Variants in FRRS1 observed in about 807,000 individuals in gnomAD.
FRRS1 encodes the protein ferric chelate reductase 1, also known as ferric reductase 1.
FRRS1 carries 51 observed loss-of-function variants against 70.7 expected under a neutral mutation model. The ratio of observed to expected loss-of-function variants is 0.72; its 90% CI spans 0.58 to 0.91. The LOEUF (loss-of-function observed/expected upper bound fraction) is 0.91, where lower values mean the gene tolerates loss of function less well. Ranked by LOEUF, FRRS1 falls within the 40% of genes least tolerant of loss-of-function variation. FRRS1 has a pLI of 0.00. For synonymous variants in FRRS1, 225 were observed against 238.7 expected (o/e 0.94, Z 0.53); for missense variants, 672 against 726.0 (o/e 0.93, Z 0.86).
At chr1:99,734,965 T>C (rs1655575825) in intron 7 of FRRS1, among the ~76,000 whole-genome samples, 1 of 152,070 alleles carries the variant, frequency 6.6e-6, no homozygotes, top group Admixed American at 6.6e-5. Context: ...TACAGCGCAG[T>C]GGAAGGAGAA....
At chr1:99,748,507 A>G (rs1656400078) in intron 3 of FRRS1, 66 bp downstream of exon 3, 2 of 1,171,886 alleles carry the variant, frequency 1.7e-6, no homozygotes, top group South Asian at 2.6e-5. Context: ...TCAAGTAATA[A>G]TAAAGATTCA....
intron 9 of FRRS1, among the ~76,000 whole-genome samples, chr1:99,720,834 A>AAC (rs57397996): frequency 0.051 from 6,990 of 137,204 alleles, 229 homozygotes; most frequent in Middle Eastern, 0.083. Flanking sequence ...AGCATTTCCT[A>AAC]ACACACACAC....
chr1:99,738,237 A>G lies in FRRS1; in HGVS notation c.608T>C (p.Phe203Ser). 1.2e-6 allele frequency: 2 copies of G among 1,608,228 alleles called. No individual in the cohort carries two copies. The highest frequency in any genetic ancestry group is 1.7e-6 in the Non-Finnish European group (2 of 1,178,028). The change falls in exon 7 of 17, where the codon TTC becomes TCC. Residue 203 changes from phenylalanine (F) to serine (S), a missense_variant. Phe to Ser is a radical substitution (Grantham distance 155). Coordinates refer to ENST00000646001, the MANE Select transcript of FRRS1 (RefSeq NM_001361041.2). The part of the protein sequence containing the change: ...FSASDCGNKK[F>S]CIRSPLNCDP... ...ACAGTTCAAAGGACTCCTAATACAGAACTTCTTGTTCCCACAATCTGAGGC... is the reference window on the plus strand; with the variant it reads ...ACAGTTCAAAGGACTCCTAATACAGGACTTCTTGTTCCCACAATCTGAGGC...
intron 8 of FRRS1, among the ~76,000 whole-genome samples, chr1:99,729,296 T>C (rs920733401): frequency 1.2e-4 from 18 of 148,594 alleles, no homozygotes; most frequent in African/African-American, 4.7e-4. Flanking sequence ...TTCTCACTAG[T>C]CAAGAAATTT....
intron 13 of FRRS1, 109 bp from the exon 14 acceptor site, chr1:99,712,272 G>C: frequency 1.0e-6 from 1 of 962,114 alleles, no homozygotes; most frequent in Non-Finnish European, 1.6e-6. Context: ...TTAGATATCT[G>C]AAATGCATTT....
intron 9 of FRRS1, among the ~76,000 whole-genome samples, chr1:99,721,118 C>T (rs958880595): frequency 1.3e-5 from 2 of 152,116 alleles, no homozygotes; most frequent in Admixed American, 6.5e-5. Context: ...TGGTGGCTCA[C>T]GCCTGTAATT....
chr1:99,743,643 G>T (rs901388960), intron 4 of FRRS1, among the ~76,000 whole-genome samples: 1 of 152,118 alleles, frequency 6.6e-6, no homozygotes, highest in Admixed American at 6.5e-5. Context: ...ATGTAAAAAT[G>T]CAGTATTAAA....
chr1:99,749,065 T>G (rs1340568003), intron 1 of FRRS1, 64 bp from the exon 2 acceptor site: 1 of 226,070 alleles, frequency 4.4e-6, no homozygotes, highest in African/African-American at 2.3e-5. Context: ...GACATAGATC[T>G]CGCTCTGTTG....
At position 99,708,651 on chromosome 1, in the gene FRRS1, T is replaced by A. The variant is rs564274194; in HGVS notation, c.*377A>T. ...ATATATATATATATATATATATATATATATATATATATCGTAATATATCTC... is the reference window on the plus strand; with the variant it reads ...ATATATATATATATATATATATATAAATATATATATATCGTAATATATCTC... On this transcript the variant is annotated 3_prime_UTR_variant, in exon 17 of 17. Transcript: ENST00000646001. The A allele has an allele frequency of 7.9e-6, 1 of 125,946 alleles. No individual in the cohort carries two copies. The highest frequency in any genetic ancestry group is 2.6e-4 in the South Asian group (1 of 3,898). 7.8% of individuals were successfully genotyped at this position (125,946 alleles called of 1,614,324 possible). A position where few individuals can be genotyped will look rare whatever the true frequency, so the allele number is the denominator to read the frequency against.
At chr1:99,750,182 G>A (rs776069674) in intron 1 of FRRS1, among the ~76,000 whole-genome samples, 2 of 152,100 alleles carry the variant, frequency 1.3e-5, no homozygotes, top group Non-Finnish European at 2.9e-5. Flanking sequence ...ACCTTGAAGC[G>A]GTTGTGAAGT....
At chr1:99,764,267 GA>G (rs1657251959) in intron 1 of FRRS1, among the ~76,000 whole-genome samples, 4 of 152,024 alleles carry the variant, frequency 2.6e-5, no homozygotes, top group South Asian at 2.1e-4. Context: ...AAAAGGAAAA[GA>G]AAAAAACCTT....
intron 4 of FRRS1, among the ~76,000 whole-genome samples, chr1:99,744,431 C>T (rs553567675): frequency 6.6e-6 from 1 of 152,232 alleles, no homozygotes; most frequent in East Asian, 1.9e-4. Context: ...AGTTCCCAGG[C>T]GTCATTAAGA....
intron 4 of FRRS1, among the ~76,000 whole-genome samples, chr1:99,744,475 T>C (rs1388712209): frequency 6.6e-6 from 1 of 152,096 alleles, no homozygotes; most frequent in Non-Finnish European, 1.5e-5. Context: ...GCTAACACGG[T>C]GAAACCCCAT....
chr1:99,708,619 AAAAAAAAT>A lies in FRRS1; in HGVS notation c.*401_*408del, dbSNP rs1654115909. 8 of 85,136 alleles carry A rather than the reference AAAAAAAAT, an allele frequency of 9.4e-5. No individual in the cohort carries two copies. In the East Asian group the frequency reaches 1.0e-3, roughly 11 times the overall value. 5.3% of individuals were successfully genotyped at this position (85,136 alleles called of 1,614,324 possible). On this transcript the variant is annotated 3_prime_UTR_variant, in exon 17 of 17. Coordinates refer to ENST00000646001, the MANE Select transcript of FRRS1 (RefSeq NM_001361041.2). ...TCTCAAAAAAAAAAAAAAAAAAAAA[AAAAAAAAT>A]ATATATATATATATATATATATATA... is the stretch of plus-strand genomic sequence containing the variant.
intron 9 of FRRS1, among the ~76,000 whole-genome samples, chr1:99,723,115 G>C (rs1485308925): frequency 6.6e-6 from 1 of 151,992 alleles, no homozygotes; most frequent in Non-Finnish European, 1.5e-5. Context: ...AAGATATGTA[G>C]AAAACCATAA....
chr1:99,708,965 T>C lies in FRRS1; in HGVS notation c.*63A>G. On this transcript the variant is annotated 3_prime_UTR_variant, in exon 17 of 17. Coordinates refer to ENST00000646001, the MANE Select transcript of FRRS1 (RefSeq NM_001361041.2). ...ATGCTCCAGGCAGTCAGGACAGGCT[T>C]CAAGTTTCTTTGGTTTGATGATAAT... 6.2e-7 allele frequency: 1 copy of C among 1,614,020 alleles called. No homozygotes were observed. Among genetic ancestry groups the C allele is most frequent in the Non-Finnish European group, 8.5e-7 (1 of 1,180,000 alleles).
At chr1:99,720,952 G>A (rs184897928) in intron 9 of FRRS1, among the ~76,000 whole-genome samples, 237 of 150,768 alleles carry the variant, frequency 1.6e-3, no homozygotes, top group Non-Finnish European at 1.8e-3. Context: ...AAAAAAGATC[G>A]ATTAAAAATA....
intron 7 of FRRS1, among the ~76,000 whole-genome samples, chr1:99,737,731 TTTTG>T (rs1050288145): frequency 1.4e-4 from 21 of 152,188 alleles, no homozygotes; most frequent in African/African-American, 4.6e-4. Flanking sequence ...CCTTTTGGTT[TTTTG>T]TTTGTTTGTT....
At position 99,742,191 on chromosome 1, in the gene FRRS1, T is replaced by G. The variant is rs781735981; in HGVS notation, c.416A>C (p.His139Pro). 1.1e-5 allele frequency: 18 copies of G among 1,602,730 alleles called. No homozygotes were observed. Among genetic ancestry groups the G allele is most frequent in the East Asian group, 2.2e-5 (1 of 44,842 alleles). Residue 139 changes from histidine (H) to proline (P), a missense_variant, in exon 5 of 17, where the codon CAC (histidine) becomes CCC (proline). His to Pro is a moderately conservative substitution (Grantham distance 77, BLOSUM62 -2). Coordinates refer to ENST00000646001, the MANE Select transcript of FRRS1 (RefSeq NM_001361041.2). ...CTCTTATACTCACAGAAACTGTGTG[T>G]GATTTGGAGCACTGCTTGGAGCATT... ...YWNAPSSAPN[H>P]TQFLVTVVEK...
Sources: allele counts gnomAD v4.1 joint callset (sites outside exome capture counted in the v4.1 genomes callset), GRCh38; gene constraint gnomAD v4.1.1; transcripts MANE v1.5; gene names NCBI Gene and HGNC (gene_info 2026-07-23, HGNC 2026-07-21).